XDH: variants seen among roughly 807,000 people sequenced by gnomAD.
XDH encodes the protein xanthine dehydrogenase, also known as xanthine dehydrogenase/oxidase.
A neutral mutation model predicts 156.1 loss-of-function variants in XDH; 138 were observed. The ratio of observed to expected loss-of-function variants is 0.88; its 90% confidence interval spans 0.77 to 1.02. XDH has a LOEUF of 1.02. Ranked by LOEUF, XDH falls within the 50% of genes least tolerant of loss-of-function variation. XDH has a pLI of 0.00. For synonymous variants in XDH, 669 were observed against 625.7 expected (o/e 1.07, Z -1.03); for missense variants, 1,849 against 1,684.9 (o/e 1.10, Z -1.71).
At chr2:31,379,813 G>A in intron 13 of XDH, 54 bp downstream of exon 13, 3 of 1,542,900 alleles carry the variant, frequency 1.9e-6, no homozygotes, top group Non-Finnish European at 2.7e-6. Context: ...TTTGTCTAGA[G>A]CCTGGCAATA....
In XDH at chr2:31,413,873, C is replaced by G. The variant is rs563630476; in HGVS notation, c.42+752G>C. 3.3e-5 allele frequency among the ~76,000 whole-genome samples: 5 copies of G among 152,164 alleles called. No individual in the cohort carries two copies. The East Asian group carries it at 9.7e-4, about 29-fold the overall frequency. On this transcript the variant is annotated intron_variant, in intron 1 of 35. Transcript: ENST00000379416. ...CTAGTGACCATGTAATATGCTTGCCCCCTCTCTCTCTGCACCACATTAAAA... is the reference window on the plus strand; with the variant it reads ...CTAGTGACCATGTAATATGCTTGCCGCCTCTCTCTCTGCACCACATTAAAA...
rs559758761 is a variant in XDH, at chr2:31,378,059, A to G, written c.1243-822T>C. The stretch of plus-strand genomic sequence containing the variant: ...AGAGAAGAAAGAGAAAGAAAGGAAG[A>G]AAGAAAGAAAGAAAGAAAGAAAGAA... On this transcript the variant is annotated intron_variant, in intron 13 of 35. Coordinates refer to ENST00000379416, the MANE Select transcript of XDH (RefSeq NM_000379.4). Among the ~76,000 whole-genome samples the G allele has an allele frequency of 4.5e-4, 9 of 19,912 alleles. No individual in the cohort carries two copies. The East Asian group carries it at 0.011, about 25-fold the overall frequency. 13.1% of individuals were successfully genotyped at this position (19,912 alleles called of 152,430 possible).
chr2:31,362,783 G>C (rs7574920), intron 24 of XDH, among the ~76,000 whole-genome samples: 63,882 of 152,012 alleles, frequency 0.42, 14,656 homozygotes, highest in Non-Finnish European at 0.51. Flanking sequence ...TTCTTAAAAT[G>C]TTAAGCTCAC....
chr2:31,336,399 G>A (rs939181351), intron 35 of XDH, among the ~76,000 whole-genome samples: 1 of 152,152 alleles, frequency 6.6e-6, no homozygotes, highest in Non-Finnish European at 1.5e-5. Context: ...GGGCCACAGA[G>A]AGCTTACGAA....
chr2:31,371,508 CAAT>C (rs1686071270), intron 17 of XDH, among the ~76,000 whole-genome samples: 1 of 152,172 alleles, frequency 6.6e-6, no homozygotes, highest in South Asian at 2.1e-4. Context: ...GCAGTTACAA[CAAT>C]GTCAACCCCC....
rs1366639231 is a variant in XDH, at chr2:31,364,209, A to G, written c.2580T>C (p.Leu860=). ...CCACATTGCTGAAGTGGTCCACCTC[A>G]AGAGCCACAACTGTCCCAGTCTTCA... ...GFMKTGTVVA[L]EVDHFSNVGN... is the part of the protein sequence containing the mutation. Residue 860 remains leucine, a synonymous_variant, in exon 24 of 36, where the codon CTT becomes CTC. Transcript: ENST00000379416. The G allele has an allele frequency of 6.2e-7, 1 of 1,614,176 alleles. No individual in the cohort carries two copies. The highest frequency in any genetic ancestry group is 1.3e-5 in the African/African-American group (1 of 75,048).
chr2:31,346,668 C>T, intron 30 of XDH, 101 bp downstream of exon 30: 2 of 1,402,846 alleles, frequency 1.4e-6, no homozygotes, highest in Admixed American at 1.7e-5. Context: ...GCTGTTCTGA[C>T]TAAAATATTG....
intron 12 of XDH, 86 bp downstream of exon 12, chr2:31,381,547 G>T: frequency 7.3e-7 from 1 of 1,365,806 alleles, no homozygotes; most frequent in Non-Finnish European, 1.0e-6. Context: ...TGAACTTTGA[G>T]CTCTGTTTCT....
At chr2:31,350,343 C>A in intron 24 of XDH, 120 bp from the exon 25 acceptor site, 2 of 662,262 alleles carry the variant, frequency 3.0e-6, no homozygotes, top group East Asian at 3.6e-5. Flanking sequence ...CAAGTTATTT[C>A]TCCCCCAGGA....
chr2:31,402,674 G>A (rs989899808), intron 3 of XDH, among the ~76,000 whole-genome samples: 1 of 152,138 alleles, frequency 6.6e-6, no homozygotes, highest in Admixed American at 6.5e-5. Context: ...TGCTTGAATG[G>A]AGTGCTGGGC....
rs1686040961 is a variant in XDH, at chr2:31,370,417, C to T, written c.1918G>A (p.Asp640Asn). 6.2e-7 allele frequency: 1 copy of T among 1,614,212 alleles called. No individual in the cohort carries two copies. Among genetic ancestry groups the T allele is most frequent in the Non-Finnish European group, 8.5e-7 (1 of 1,180,022 alleles). ...PGFVCFISAD[D>N]VPGSNITGIC... ...CCAGTTATGTTACTCCCAGGAACATCATCAGCGGAAATGAAACAAACAAAC... is the reference window on the plus strand; with the variant it reads ...CCAGTTATGTTACTCCCAGGAACATTATCAGCGGAAATGAAACAAACAAAC... The change falls in exon 18 of 36, where the codon GAT becomes AAT. Residue 640 changes from aspartate (D) to asparagine (N), a missense_variant. Asp to Asn is a conservative substitution (Grantham distance 23). Coordinates refer to ENST00000379416, the MANE Select transcript of XDH (RefSeq NM_000379.4).
rs200170670 is a variant in XDH, at chr2:31,336,814, T to C, written c.3952-806A>G. ...TAAATCCAAAAAGCATATCGAATTT[T>C]AAAAAGAGAAAGCCCCACCTGAGTA... On this transcript the variant is annotated intron_variant, in intron 35 of 35. Transcript: ENST00000379416. 2.6e-3 allele frequency among the ~76,000 whole-genome samples: 6 copies of C among 2,280 alleles called. No homozygotes were observed. In the African/African-American group the frequency reaches 0.031, roughly 12 times the overall value. The allele number at this position is 2,280 out of a possible 152,430, so 1.5% of individuals were successfully genotyped here.
intron 1 of XDH, among the ~76,000 whole-genome samples, chr2:31,411,099 T>C (rs206806): frequency 0.63 from 94,800 of 151,478 alleles, 30,117 homozygotes; most frequent in African/African-American, 0.7. Flanking sequence ...CTGGCCAAGA[T>C]GGTAGAACCC....
chr2:31,348,331 G>A lies in XDH; in HGVS notation c.3084C>T (p.Gly1028=), dbSNP rs45604135. The A allele has an allele frequency of 3.6e-3, 5,772 of 1,614,172 alleles. 159 individuals carry two copies. In the African/African-American group the frequency reaches 0.063, roughly 18 times the overall value. ...AGALLHVYTD[G]SVLLTHGGTE... is the part of the protein sequence containing the mutation. ...TCCCCCCGTGGGTCAGCAGCACAGA[G>A]CCATCTGTGTACACATGAAGTAGGG... The change falls in exon 28 of 36, where the codon GGC becomes GGT. Residue 1028 remains glycine, a synonymous_variant. Transcript: ENST00000379416.
chr2:31,390,941 A>C (rs952688265), intron 6 of XDH, among the ~76,000 whole-genome samples: 2 of 152,148 alleles, frequency 1.3e-5, no homozygotes, highest in Non-Finnish European at 2.9e-5. Context: ...TTTTTCTCCC[A>C]GTGTACCGCT....
chr2:31,392,142 A>G (rs932029536), intron 6 of XDH, among the ~76,000 whole-genome samples: 6 of 152,084 alleles, frequency 3.9e-5, no homozygotes, highest in Non-Finnish European at 8.8e-5. Flanking sequence ...CATGAGCTCT[A>G]TAGTGAGATC....
intron 33 of XDH, 44 bp downstream of exon 33, chr2:31,341,285 T>A: frequency 6.5e-7 from 1 of 1,538,546 alleles, no homozygotes; most frequent in Non-Finnish European, 8.8e-7. Context: ...ATGGGGTGCA[T>A]CGGTGGCCAA....
intron 6 of XDH, among the ~76,000 whole-genome samples, chr2:31,395,916 T>A (rs1007342304): frequency 3.3e-5 from 5 of 152,256 alleles, no homozygotes; most frequent in Admixed American, 6.5e-5. Context: ...ACCTGTTTAA[T>A]GGTTCCTCCA....
At chr2:31,365,322 T>G in intron 23 of XDH, 135 bp downstream of exon 23, 1 of 917,652 alleles carries the variant, frequency 1.1e-6, no homozygotes, top group Admixed American at 1.9e-5. Context: ...TGAATTTCTC[T>G]TCTTGCTATA....
Sources: allele counts gnomAD v4.1 joint callset (sites outside exome capture counted in the v4.1 genomes callset), GRCh38; gene constraint gnomAD v4.1.1; transcripts MANE v1.5; gene names NCBI Gene and HGNC (gene_info 2026-07-23, HGNC 2026-07-21).